The following CAST variants were observed in gnomAD, a reference collection of about 807,000 sequenced individuals.
CAST encodes calpastatin, also known as MIR583 host.
CAST carries 76 observed loss-of-function variants against 119.6 expected under a neutral mutation model. The observed-to-expected ratio is 0.64, with a 90% CI of 0.53 to 0.77. The LOEUF (loss-of-function observed/expected upper bound fraction) is 0.77. CAST is among the 30% of genes least tolerant of loss of function. CAST has a pLI of 0.00. For synonymous variants in CAST, 319 were observed against 331.6 expected (o/e 0.96, Z 0.41); for missense variants, 953 against 946.5 (o/e 1.01, Z -0.09).
At chr5:96,750,250 A>G (rs1481143709) in intron 19 of CAST, among the ~76,000 whole-genome samples, 2 of 152,248 alleles carry the variant, frequency 1.3e-5, no homozygotes, top group East Asian at 3.8e-4. Flanking sequence ...GTTCCCAGGT[A>G]CTATGCATAG....
At chr5:96,076,993 T>A in the CAST span, among the ~76,000 whole-genome samples, 3 of 151,288 alleles carry the variant, frequency 2.0e-5, no homozygotes, top group African/African-American at 7.3e-5. Flanking sequence ...TATATTATGC[T>A]TTTTTATGTA....
At chr5:96,357,364 C>A in the CAST span, among the ~76,000 whole-genome samples, 9 of 152,250 alleles carry the variant, frequency 5.9e-5, 2 homozygotes, top group African/African-American at 2.2e-4. Flanking sequence ...ACTTCCAATA[C>A]TATGTTTAAT....
chr5:96,141,665 T>G, the CAST span, among the ~76,000 whole-genome samples: 1 of 152,238 alleles, frequency 6.6e-6, no homozygotes. Flanking sequence ...GTCTTGCTAT[T>G]GAAAATCCTA....
At chr5:96,284,643 A>G in the CAST span, among the ~76,000 whole-genome samples, 6 of 152,202 alleles carry the variant, frequency 3.9e-5, no homozygotes, top group Non-Finnish European at 7.3e-5. Flanking sequence ...TTGTGTAAAA[A>G]GGGCTCAATA....
At chr5:96,375,311 T>C in the CAST span, among the ~76,000 whole-genome samples, 3 of 152,218 alleles carry the variant, frequency 2.0e-5, no homozygotes, top group South Asian at 4.1e-4. Context: ...GTACAAGAAA[T>C]AGCATTAAGG....
chr5:96,674,024 T>C (rs1039848461), intron 1 of CAST, among the ~76,000 whole-genome samples: 1 of 152,206 alleles, frequency 6.6e-6, no homozygotes, highest in Non-Finnish European at 1.5e-5. Context: ...TACAAAACAC[T>C]ATCGAGAAAG....
At chr5:96,284,022 G>A in the CAST span, among the ~76,000 whole-genome samples, 2 of 152,282 alleles carry the variant, frequency 1.3e-5, no homozygotes, top group Admixed American at 6.5e-5. Flanking sequence ...TATGCACCAG[G>A]TAAGAGGCAG....
chr5:96,616,742 CTCTA>C (rs1214795176), intron 1 of CAST, among the ~76,000 whole-genome samples: 4 of 107,596 alleles, frequency 3.7e-5, no homozygotes, highest in Middle Eastern at 8.5e-3. Flanking sequence ...CTCTCTCTCT[CTCTA>C]TATATATACA....
At chr5:96,477,962 A>G in the CAST span, among the ~76,000 whole-genome samples, 1 of 152,198 alleles carries the variant, frequency 6.6e-6, no homozygotes, top group Non-Finnish European at 1.5e-5. Flanking sequence ...AGAGACACAA[A>G]CCAAATGTTC....
At chr5:96,412,718 A>G in the CAST span, among the ~76,000 whole-genome samples, 1 of 139,450 alleles carries the variant, frequency 7.2e-6, no homozygotes, top group South Asian at 2.2e-4. Flanking sequence ...AGATAATACT[A>G]TGCAATACCA....
chr5:96,034,512 T>C, the CAST span, among the ~76,000 whole-genome samples: 439 of 17,480 alleles, frequency 0.025, 3 homozygotes, highest in African/African-American at 0.081. Context: ...CACACATATG[T>C]GTGTGTGTAT....
chr5:96,223,132 G>A, the CAST span, among the ~76,000 whole-genome samples: 34 of 152,156 alleles, frequency 2.2e-4, 1 homozygote, highest in South Asian at 4.6e-3. Context: ...GGGTAGGAAG[G>A]GGAAATGAAG....
chr5:95,975,374 G>C, the CAST span, among the ~76,000 whole-genome samples: 3 of 152,132 alleles, frequency 2.0e-5, no homozygotes, highest in African/African-American at 7.2e-5. Context: ...CCAGCCCTCA[G>C]AGGTTTTGAT....
chr5:96,384,690 A>G, the CAST span, among the ~76,000 whole-genome samples: 1 of 152,152 alleles, frequency 6.6e-6, no homozygotes, highest in African/African-American at 2.4e-5. Flanking sequence ...TGGAACCCAG[A>G]CTCAGGCTGG....
At chr5:96,117,598 T>TCATCCTCCAGAGTGTTGTG in the CAST span, among the ~76,000 whole-genome samples, 1 of 152,312 alleles carries the variant, frequency 6.6e-6, no homozygotes, top group Admixed American at 6.5e-5. Context: ...GGTAATTTTT[T>TCATCCTCCAGAGTGTTGTG]AAAGTCATTA....
intron 24 of CAST, 48 bp from the exon 25 acceptor site, chr5:96,762,226 A>AT: frequency 7.9e-7 from 1 of 1,271,130 alleles, no homozygotes; most frequent in Admixed American, 2.0e-5. Context: ...CATTGTGCTC[A>AT]TAATTTTATA....
chr5:96,160,362 A>T, the CAST span, among the ~76,000 whole-genome samples: 1 of 152,072 alleles, frequency 6.6e-6, no homozygotes, highest in Admixed American at 6.6e-5. Context: ...GACTCATACA[A>T]CATGTAGCCT....
the CAST span, chr5:96,412,515 A>G: frequency 6.2e-7 from 1 of 1,606,156 alleles, no homozygotes; most frequent in African/African-American, 1.3e-5. Context: ...AAACAAAGAC[A>G]CACAAAGGTT....
At chr5:96,553,531 C>G (rs931136801) in intron 1 of CAST, among the ~76,000 whole-genome samples, 1 of 152,166 alleles carries the variant, frequency 6.6e-6, no homozygotes, top group African/African-American at 2.4e-5. Flanking sequence ...TCCTATTCAA[C>G]ATAGTATTGG....
Sources: gnomAD v4.1 joint callset for allele counts (sites outside exome capture counted in the v4.1 genomes callset) on GRCh38, gnomAD v4.1.1 for gene constraint, MANE v1.5 for transcripts, NCBI Gene and HGNC (gene_info 2026-07-23, HGNC 2026-07-21) for gene names.